STAU2: variants seen among roughly 807,000 people sequenced by gnomAD.
STAU2 encodes double-stranded RNA-binding protein Staufen homolog 2.
STAU2 carries 20 observed loss-of-function variants against 65.9 expected under a neutral mutation model. That is an observed-to-expected ratio of 0.30 (90% CI 0.21 to 0.44). The LOEUF is 0.44. Ranked by LOEUF, STAU2 falls within the 20% of genes least tolerant of loss-of-function variation. The pLI is 1.00. For missense variants in STAU2, 558 were observed against 683.9 expected (o/e 0.82, Z 2.05); for synonymous variants, 232 against 233.9 (o/e 0.99, Z 0.07).
At chr8:73,611,263 T>G (rs1812436545) in intron 9 of STAU2, among the ~76,000 whole-genome samples, 1 of 152,224 alleles carries the variant, frequency 6.6e-6, no homozygotes, top group African/African-American at 2.4e-5. Context: ...TGTTGTTCTC[T>G]CAAAATAATC....
intron 13 of STAU2, among the ~76,000 whole-genome samples, chr8:73,503,417 G>A (rs140391573): frequency 9.9e-5 from 15 of 152,158 alleles, no homozygotes; most frequent in Non-Finnish European, 1.8e-4. Context: ...TACATAAACT[G>A]AGAAGCCGGG....
At chr8:73,643,963 A>T (rs1274145485) in intron 6 of STAU2, among the ~76,000 whole-genome samples, 1 of 152,242 alleles carries the variant, frequency 6.6e-6, no homozygotes, top group African/African-American at 2.4e-5. Context: ...GTTTGTATGG[A>T]CTTGTCCTAG....
intron 13 of STAU2, among the ~76,000 whole-genome samples, chr8:73,522,036 C>G (rs1823070534): frequency 6.6e-6 from 1 of 152,110 alleles, no homozygotes; most frequent in African/African-American, 2.4e-5. Flanking sequence ...AACCTCAACA[C>G]AATAAGGCAG....
chr8:73,700,372 A>C (rs1820010460), intron 4 of STAU2, among the ~76,000 whole-genome samples: 1 of 151,856 alleles, frequency 6.6e-6, no homozygotes, highest in African/African-American at 2.4e-5. Context: ...GAAAAGAAGA[A>C]GTCAAATTAT....
chr8:73,588,414 T>C (rs925495306), intron 11 of STAU2, among the ~76,000 whole-genome samples: 1 of 152,226 alleles, frequency 6.6e-6, no homozygotes, highest in Non-Finnish European at 1.5e-5. Context: ...CTCTTTTCCA[T>C]TGTCCTGCCC....
chr8:73,668,982 T>C (rs1266421070), intron 6 of STAU2: 1 of 691,220 alleles, frequency 1.4e-6, no homozygotes, highest in East Asian at 2.7e-5. Context: ...AAATGATACC[T>C]GTTTCTTGGA....
chr8:73,452,797 T>G (rs1258984507), intron 13 of STAU2, among the ~76,000 whole-genome samples: 1 of 152,212 alleles, frequency 6.6e-6, no homozygotes, highest in Admixed American at 6.5e-5. Flanking sequence ...ACAGACAACC[T>G]CGACTCTAAA....
At chr8:73,723,326 C>CAAAAAA (rs1415662346) in intron 3 of STAU2, among the ~76,000 whole-genome samples, 1 of 152,206 alleles carries the variant, frequency 6.6e-6, no homozygotes, top group African/African-American at 2.4e-5. Context: ...AACATTATGA[C>CAAAAAA]AAAATGATGT....
intron 1 of STAU2, among the ~76,000 whole-genome samples, chr8:73,742,879 A>G: frequency 6.6e-6 from 1 of 152,270 alleles, no homozygotes; most frequent in Non-Finnish European, 1.5e-5. Context: ...CCCAATAATT[A>G]AACTGCTTTA....
chr8:73,607,370 A>G (rs543913934), intron 9 of STAU2, among the ~76,000 whole-genome samples: 3 of 152,268 alleles, frequency 2.0e-5, no homozygotes, highest in South Asian at 2.1e-4. Context: ...TCTCACACTT[A>G]CTTAGTATGC....
chr8:73,495,685 A>ATATATATATATATATATATATATATATG (rs1199482749), intron 13 of STAU2, among the ~76,000 whole-genome samples: 2 of 147,620 alleles, frequency 1.4e-5, no homozygotes, highest in African/African-American at 5.0e-5. Flanking sequence ...ATATATATAT[A>ATATATATATATATATATATATATATATG]TATGTATAGT....
At chr8:73,718,251 G>GT (rs1203187139) in intron 3 of STAU2, among the ~76,000 whole-genome samples, 5 of 152,156 alleles carry the variant, frequency 3.3e-5, no homozygotes, top group African/African-American at 1.2e-4. Flanking sequence ...CAATAGTACT[G>GT]TTTAACTCCT....
At chr8:73,594,146 A>G (rs1026140893) in intron 11 of STAU2, among the ~76,000 whole-genome samples, 1 of 152,196 alleles carries the variant, frequency 6.6e-6, no homozygotes, top group African/African-American at 2.4e-5. Flanking sequence ...GGACTATAGA[A>G]ACTGGAACAC....
In STAU2 at chr8:73,564,682, A is replaced by T. The variant is rs530123603; in HGVS notation, c.1223-12363T>A. On this transcript the variant is annotated intron_variant, in intron 12 of 14. Coordinates refer to ENST00000524300, the MANE Select transcript of STAU2 (RefSeq NM_001164380.2). The stretch of plus-strand genomic sequence containing the variant: ...AAAATGAAAGTTAAAAAAAAAAGAA[A>T]ATATACTCAGTGGGTCCTCAAATAA... Among the ~76,000 whole-genome samples the T allele has an allele frequency of 8.9e-4, 136 of 152,298 alleles. 1 individual carries two copies. The highest frequency in any genetic ancestry group is 6.8e-3 in the Middle Eastern group (2 of 294).
intron 13 of STAU2, among the ~76,000 whole-genome samples, chr8:73,503,424 C>T (rs554521957): frequency 6.6e-6 from 1 of 151,984 alleles, no homozygotes; most frequent in South Asian, 2.1e-4. Flanking sequence ...ACTGAGAAGC[C>T]GGGAATGGAA....
chr8:73,591,700 A>C (rs1234334909), intron 11 of STAU2, among the ~76,000 whole-genome samples: 6 of 151,962 alleles, frequency 3.9e-5, no homozygotes, highest in African/African-American at 1.4e-4. Flanking sequence ...CATAAAACAA[A>C]AACTAATAAA....
chr8:73,499,959 T>A (rs1219896506), intron 13 of STAU2, among the ~76,000 whole-genome samples: 1 of 151,886 alleles, frequency 6.6e-6, no homozygotes, highest in East Asian at 1.9e-4. Context: ...CGGATTGAGC[T>A]GAAGCTGGGG....
chr8:73,525,548 G>A (rs923147651), intron 13 of STAU2, among the ~76,000 whole-genome samples: 1 of 152,148 alleles, frequency 6.6e-6, no homozygotes, highest in African/African-American at 2.4e-5. Flanking sequence ...TATATATGAA[G>A]AAGCCAAGTC....
intron 3 of STAU2, among the ~76,000 whole-genome samples, chr8:73,737,327 T>C (rs1586385071): frequency 1.3e-5 from 2 of 151,632 alleles, no homozygotes; most frequent in African/African-American, 4.8e-5. Context: ...CGCACCACCA[T>C]GCCTGGCTAA....
Sources: gnomAD v4.1 joint callset for allele counts (sites outside exome capture counted in the v4.1 genomes callset) on GRCh38, gnomAD v4.1.1 for gene constraint, MANE v1.5 for transcripts, NCBI Gene and HGNC (gene_info 2026-07-23, HGNC 2026-07-21) for gene names.